The following CELF2 variants were observed in gnomAD, a reference collection of about 807,000 sequenced individuals.
CELF2 encodes the protein CUGBP Elav-like family member 2, also known as CUG triplet repeat RNA-binding protein 2.
A neutral mutation model predicts 62.6 loss-of-function variants in CELF2; 8 were observed. That is an observed-to-expected ratio of 0.13 (90% CI 0.07 to 0.23). The LOEUF is 0.23. CELF2 is among the 10% of genes least tolerant of loss of function. The pLI is 1.00. For missense variants in CELF2, 333 were observed against 671.0 expected, an observed-to-expected ratio of 0.50 and a Z score of 5.56; for synonymous variants, 258 against 250.0, an observed-to-expected ratio of 1.03 and a Z score of -0.30.
the CELF2 span, among the ~76,000 whole-genome samples, chr10:10,465,928 A>G: frequency 5.3e-5 from 8 of 152,102 alleles, no homozygotes; most frequent in Non-Finnish European, 1.0e-4. Context: ...CTTCATTATC[A>G]TGTTAATGCC....
intron 1 of CELF2, among the ~76,000 whole-genome samples, chr10:10,905,601 G>A (rs2063271793): frequency 6.6e-6 from 1 of 150,734 alleles, no homozygotes; most frequent in African/African-American, 2.4e-5. Flanking sequence ...AAAAAGGGCT[G>A]GGCGTGGTGG....
At chr10:10,581,664 T>C in the CELF2 span, among the ~76,000 whole-genome samples, 1 of 152,166 alleles carries the variant, frequency 6.6e-6, no homozygotes, top group African/African-American at 2.4e-5. Flanking sequence ...CCAAATTATT[T>C]TGAAAATCAA....
At position 10,897,132 on chromosome 10, in the gene CELF2, G is replaced by A. The variant is rs74115448; in HGVS notation, c.54-22832G>A. ...AGGCACTAAAGATGTTTCTGGTGAA[G>A]GCTCAGTGAGAAGTGAAGACCATGG... On this transcript the variant is annotated intron_variant, in intron 1 of 13. Coordinates refer to the CELF2 transcript ENST00000636488. 5.6e-3 allele frequency among the ~76,000 whole-genome samples: 857 copies of A among 152,308 alleles called. 7 individuals are homozygous for A. The highest frequency in any genetic ancestry group is 0.019 in the African/African-American group (807 of 41,570).
chr10:11,033,786 A>G (rs550473657), intron 1 of CELF2, among the ~76,000 whole-genome samples: 2 of 152,362 alleles, frequency 1.3e-5, no homozygotes, highest in South Asian at 4.1e-4. Flanking sequence ...TGAGTCAGAA[A>G]ATACATTACA....
chr10:10,799,841 C>T (rs951566659), intron 1 of CELF2, among the ~76,000 whole-genome samples: 2 of 152,064 alleles, frequency 1.3e-5, no homozygotes, highest in Admixed American at 6.5e-5. Context: ...CTAGCAAATG[C>T]GTTTTTGGCA....
At chr10:10,829,435 A>G (rs2057669484) in intron 1 of CELF2, among the ~76,000 whole-genome samples, 1 of 152,186 alleles carries the variant, frequency 6.6e-6, no homozygotes, top group African/African-American at 2.4e-5. Context: ...CCCATATCTG[A>G]GACTCATGAT....
the CELF2 span, among the ~76,000 whole-genome samples, chr10:10,633,200 T>A: frequency 6.6e-6 from 1 of 152,238 alleles, no homozygotes; most frequent in African/African-American, 2.4e-5. Flanking sequence ...AAGACAAATT[T>A]ATAAAAGTTA....
Position 11,329,116 on chromosome 10 carries a change from C to A in CELF2, c.*63C>A. 6.6e-7 allele frequency: 1 copy of A among 1,515,810 alleles called. No individual in the cohort carries two copies. Among genetic ancestry groups the A allele is most frequent in the South Asian group, 1.3e-5 (1 of 79,620 alleles). 93.9% of individuals were successfully genotyped at this position (1,515,810 alleles called of 1,614,324 possible). A position where few individuals can be genotyped will look rare whatever the true frequency, so the allele number is the denominator to read the frequency against. On this transcript the variant is annotated 3_prime_UTR_variant, in exon 13 of 13. Transcript: ENST00000633077. This position sits in a 1 kb window ranked among gnomAD's most constrained non-coding sequence, Gnocchi z 5.5. The stretch of plus-strand genomic sequence containing the variant: ...TCTTAGGGTAAGTCCCACGAGCCAG[C>A]CTGTCTCAACAGGGAAGGCAGAGGA...
rs561654466 is a variant in CELF2 at position 11,333,363 on chromosome 10, C to T, written c.*4310C>T. On this transcript the variant is annotated 3_prime_UTR_variant, in exon 13 of 13. Coordinates refer to ENST00000633077, the MANE Select transcript of CELF2 (RefSeq NM_001326342.2). The stretch of plus-strand genomic sequence containing the variant: ...CAGAAGAAAACACACACAGGGAAAC[C>T]GCTTTTTTTAATCAATTGTAGAGAA... The T allele has an allele frequency of 4.6e-5, 7 of 152,560 alleles. No individual in the cohort carries two copies. The highest frequency in any genetic ancestry group is 2.1e-4 in the South Asian group (1 of 4,822). The allele number at this position is 152,560 out of a possible 1,614,324, so 9.5% of individuals were successfully genotyped here. A position where few individuals can be genotyped will look rare whatever the true frequency, so the allele number is the denominator to read the frequency against.
At chr10:10,822,908 A>G (rs1273062392) in intron 1 of CELF2, among the ~76,000 whole-genome samples, 2 of 152,222 alleles carry the variant, frequency 1.3e-5, no homozygotes, top group East Asian at 1.9e-4. Context: ...CAAAGAATCT[A>G]CTTATAAAGA....
At chr10:11,107,280 G>C (rs890814864) in intron 1 of CELF2, among the ~76,000 whole-genome samples, 5 of 152,110 alleles carry the variant, frequency 3.3e-5, no homozygotes, top group Admixed American at 6.5e-5. Flanking sequence ...CCTCTCCTAG[G>C]GGGGCAGCTC....
chr10:11,005,449 T>G lies in CELF2; in HGVS notation c.53+9T>G. 3 of 1,613,926 alleles carry G rather than the reference T, an allele frequency of 1.9e-6. No individual in the cohort carries two copies. In the South Asian group the frequency reaches 3.3e-5, roughly 18 times the overall value. ...GAAGAGCTGCTTTTAAGGTATGTTG[T>G]TGTGTCCTTTGTTTTTAATGCACGC... On this transcript the variant is annotated intron_variant, in intron 1 of 12. Transcript: ENST00000416382. The surrounding 1 kb of genome is among the most constrained non-coding windows in gnomAD (Gnocchi z 4.3).
At chr10:10,911,434 A>T (rs2063799349) in intron 1 of CELF2, among the ~76,000 whole-genome samples, 1 of 152,226 alleles carries the variant, frequency 6.6e-6, no homozygotes, top group Non-Finnish European at 1.5e-5. Context: ...ATGAAAGATG[A>T]TCAGGAAGAG....
chr10:10,622,757 G>T, the CELF2 span, among the ~76,000 whole-genome samples: 1 of 152,106 alleles, frequency 6.6e-6, no homozygotes, highest in African/African-American at 2.4e-5. Flanking sequence ...CAGACAGGAT[G>T]TGTGATTGTG....
Position 11,314,312 on chromosome 10 carries a change from C to A in CELF2, c.1096+54C>A. ...CTGGTGGACAGCCTTCCCCCAAATTCTCCACAGAAAGTGGTCAGCCAGAAA... is the reference window on the plus strand; with the variant it reads ...CTGGTGGACAGCCTTCCCCCAAATTATCCACAGAAAGTGGTCAGCCAGAAA... On this transcript the variant is annotated intron_variant, in intron 10 of 12. Coordinates refer to ENST00000633077, the MANE Select transcript of CELF2 (RefSeq NM_001326342.2). The surrounding 1 kb of genome is among the most constrained non-coding windows in gnomAD (Gnocchi z 5.3). The A allele has an allele frequency of 6.2e-7, 1 of 1,613,410 alleles. No homozygotes were observed. Among genetic ancestry groups the A allele is most frequent in the South Asian group, 1.1e-5 (1 of 91,000 alleles).
At chr10:11,291,326 C>T (rs1167408429) in intron 9 of CELF2, among the ~76,000 whole-genome samples, 1 of 152,046 alleles carries the variant, frequency 6.6e-6, no homozygotes, top group Non-Finnish European at 1.5e-5. Context: ...GGAAAAGTCT[C>T]CCTACAGCAT....
chr10:10,956,537 C>T (rs2048917335), intron 2 of CELF2, among the ~76,000 whole-genome samples: 1 of 152,152 alleles, frequency 6.6e-6, no homozygotes, highest in Non-Finnish European at 1.5e-5. Flanking sequence ...CTTCTCTGAA[C>T]CTCACTGTTA....
chr10:11,232,773 G>T (rs2069288798), intron 3 of CELF2, among the ~76,000 whole-genome samples: 2 of 152,114 alleles, frequency 1.3e-5, no homozygotes, highest in Admixed American at 1.3e-4. Context: ...ATAGGAGATA[G>T]CCCACATTCA....
intron 9 of CELF2, among the ~76,000 whole-genome samples, chr10:11,299,010 G>A (rs1286280876): frequency 6.6e-6 from 1 of 152,222 alleles, no homozygotes; most frequent in Non-Finnish European, 1.5e-5. Flanking sequence ...TAAATACAGG[G>A]AGAAGACAGT....
Sources: allele counts gnomAD v4.1 joint callset (sites outside exome capture counted in the v4.1 genomes callset), GRCh38; gene constraint gnomAD v4.1.1; non-coding constraint Gnocchi (gnomAD v3.1); transcripts MANE v1.5; gene names NCBI Gene and HGNC (gene_info 2026-07-23, HGNC 2026-07-21).